ARVCF: variants seen among roughly 807,000 people sequenced by gnomAD.
ARVCF encodes the protein splicing regulator ARVCF.
In ARVCF, 66 loss-of-function variants were observed where a neutral mutation model predicts 90.9. That is an observed-to-expected ratio of 0.73 (90% CI 0.60 to 0.89). The LOEUF (loss-of-function observed/expected upper bound fraction) is 0.89. Ranked by LOEUF, ARVCF falls within the 40% of genes least tolerant of loss-of-function variation. The pLI is 0.00. For missense variants in ARVCF, 1,469 were observed against 1,382.3 expected, an observed-to-expected ratio of 1.06 and a Z score of -1.00; for synonymous variants, 653 against 603.4, an observed-to-expected ratio of 1.08 and a Z score of -1.21.
intron 1 of ARVCF, among the ~76,000 whole-genome samples, chr22:20,013,662 G>A (rs1168699984): frequency 6.6e-6 from 1 of 152,236 alleles, no homozygotes; most frequent in East Asian, 1.9e-4. Flanking sequence ...AGCAGGGGCA[G>A]TGGGAAGGGC....
downstream of ARVCF, chr22:19,968,727 A>G: frequency 6.3e-7 from 1 of 1,593,122 alleles, no homozygotes. Context: ...GCAGCGAAGC[A>G]GGGCCCTGAC....
intron 8 of ARVCF, 136 bp from the exon 9 acceptor site, chr22:19,977,722 A>G: frequency 7.8e-7 from 1 of 1,274,134 alleles, no homozygotes; most frequent in Admixed American, 3.0e-5. Context: ...GGGGAGCAAA[A>G]GGGCGGTAAC....
chr22:19,968,634 C>CT, downstream of ARVCF: 1 of 1,614,074 alleles, frequency 6.2e-7, no homozygotes, highest in Non-Finnish European at 8.5e-7. Context: ...GGAGCAGCTG[C>CT]TTTGAGTGCA....
At chr22:19,975,905 T>G (rs565278040) in intron 10 of ARVCF, 148 bp from the exon 11 acceptor site, 2 of 770,502 alleles carry the variant, frequency 2.6e-6, no homozygotes, top group Non-Finnish European at 4.3e-6. Flanking sequence ...AGCACCGTTG[T>G]CAGAGTTTGG....
At chr22:19,971,806 G>A in intron 18 of ARVCF, 80 bp downstream of exon 18, 1 of 1,489,178 alleles carries the variant, frequency 6.7e-7, no homozygotes. Context: ...ACCAGACCCA[G>A]CATGGCCTAG....
At chr22:19,978,800 G>A in intron 7 of ARVCF, 97 bp downstream of exon 7, 1 of 1,417,980 alleles carries the variant, frequency 7.1e-7, no homozygotes, top group South Asian at 1.4e-5. Context: ...CCTAAGCTCT[G>A]GCGCTCCTAA....
At chr22:19,997,861 C>A (rs76176552) in intron 2 of ARVCF, among the ~76,000 whole-genome samples, 1 of 152,350 alleles carries the variant, frequency 6.6e-6, no homozygotes, top group African/African-American at 2.4e-5. Context: ...ATTGCCTCCA[C>A]GGCTTACCGG....
chr22:19,976,696 A>AG lies in ARVCF; in HGVS notation c.1888+9dup. Reference sequence around the variant, plus strand: ...GCCAGGCCTGGAGAGCAGGATAAAAAGGGACTCACCTTGGTGGAACCACTC... The same window carrying AG: ...GCCAGGCCTGGAGAGCAGGATAAAAAGGGGACTCACCTTGGTGGAACCACTC... On this transcript the variant is annotated intron_variant, in intron 10 of 19. Coordinates refer to ENST00000263207, the MANE Select transcript of ARVCF (RefSeq NM_001670.3). 6.4e-7 allele frequency: 1 copy of AG among 1,558,682 alleles called. No individual in the cohort carries two copies. Among genetic ancestry groups the AG allele is most frequent in the Non-Finnish European group, 8.7e-7 (1 of 1,150,958 alleles).
At position 19,980,233 on chromosome 22, in the gene ARVCF, C is replaced by A. The variant is rs370262836; in HGVS notation, c.906G>T (p.Glu302Asp). 1.3e-6 allele frequency: 2 copies of A among 1,528,430 alleles called. No homozygotes were observed. Among genetic ancestry groups the A allele is most frequent in the African/African-American group, 2.7e-5 (2 of 73,048 alleles). The allele number at this position is 1,528,430 out of a possible 1,614,324, so 94.7% of individuals were successfully genotyped here. ...GCTCGCCGCCATCATCTGCTGTGTC[C>A]TCGTAGGCCCTGCACAGGCAAGTGG... ...CGRGLHTRAY[E>D]DTADDGGELA... is the part of the protein sequence containing the mutation. Residue 302 changes from glutamate (E) to aspartate (D), a missense_variant, in exon 6 of 20, where the codon GAG becomes GAT. Physicochemically the swap from Glu to Asp is conservative, Grantham distance 45 (BLOSUM62 2). Coordinates refer to ENST00000263207, the MANE Select transcript of ARVCF (RefSeq NM_001670.3).
intron 2 of ARVCF, among the ~76,000 whole-genome samples, chr22:19,995,115 G>C (rs896589309): frequency 6.6e-6 from 1 of 152,026 alleles, no homozygotes; most frequent in Admixed American, 6.6e-5. Flanking sequence ...TGGGAGAAGA[G>C]GAGGCCAGAT....
rs1256699356 is a variant in ARVCF at position 19,981,143 on chromosome 22, T to C, written c.896+68A>G. 3.4e-6 allele frequency: 5 copies of C among 1,452,042 alleles called. No homozygotes were observed. In the South Asian group the frequency reaches 4.4e-5, roughly 13 times the overall value. The allele number at this position is 1,452,042 out of a possible 1,614,324, so 89.9% of individuals were successfully genotyped here. On this transcript the variant is annotated intron_variant, in intron 5 of 19. Coordinates refer to ENST00000263207, the MANE Select transcript of ARVCF (RefSeq NM_001670.3). ...CTGCGCCACTTGACAAGTGGGGCAC[T>C]CTGTAGTTGGGGGGTGGAGGGCAGA...
chr22:19,975,106 T>A (rs1943076258), intron 11 of ARVCF, among the ~76,000 whole-genome samples: 1 of 152,188 alleles, frequency 6.6e-6, no homozygotes, highest in African/African-American at 2.4e-5. Context: ...GGTATCTGCA[T>A]CAGCCCTGCT....
rs1331300125 is a variant in ARVCF at position 19,973,257 on chromosome 22, G to A, written c.2300C>T (p.Pro767Leu). The change falls in exon 14 of 20, where the codon CCG becomes CTG. Residue 767 changes from proline to leucine, a missense_variant. Transcript: ENST00000263207. ...GGTGTCTTCCTCCAGGCAGGCCCCC[G>A]GTCGCGGCGGAGCCTGTGCATTGCG... Reference protein sequence around the residue: ...NVRNAQAPPRPGACLEEDTVV... With the variant: ...NVRNAQAPPRLGACLEEDTVV... 8 of 1,609,190 alleles carry A rather than the reference G, an allele frequency of 5.0e-6. No individual in the cohort carries two copies. Among genetic ancestry groups the A allele is most frequent in the Non-Finnish European group, 6.8e-6 (8 of 1,178,850 alleles).
At chr22:19,992,749 A>G (rs1944076079) in intron 2 of ARVCF, among the ~76,000 whole-genome samples, 2 of 147,400 alleles carry the variant, frequency 1.4e-5, no homozygotes, top group Admixed American at 1.3e-4. Flanking sequence ...CTCCCTGTGC[A>G]GAGACATGGA....
At chr22:19,967,171 G>A (rs1250275248), downstream of ARVCF, 2 of 1,304,462 alleles carry the variant, frequency 1.5e-6, no homozygotes, top group Non-Finnish European at 2.0e-6. Flanking sequence ...CAGGTGCAGT[G>A]GTCTGGTGTC....
intron 16 of ARVCF, 40 bp downstream of exon 16, chr22:19,972,697 G>C (rs200572444): frequency 1.3e-6 from 2 of 1,554,158 alleles, no homozygotes; most frequent in African/African-American, 1.4e-5. Context: ...GGGGCAGCTG[G>C]GGTCGCCACC....
intron 2 of ARVCF, among the ~76,000 whole-genome samples, chr22:20,004,726 C>T (rs533310685): frequency 3.0e-4 from 46 of 152,058 alleles, no homozygotes; most frequent in Non-Finnish European, 4.7e-4. Context: ...GAATACAGAG[C>T]CCAGAAACAA....
At chr22:20,001,489 G>A (rs975638961) in intron 2 of ARVCF, among the ~76,000 whole-genome samples, 2 of 152,184 alleles carry the variant, frequency 1.3e-5, no homozygotes, top group African/African-American at 4.8e-5. Context: ...GTTCAACTCC[G>A]CTGGCCACAG....
intron 2 of ARVCF, among the ~76,000 whole-genome samples, chr22:20,004,561 T>C (rs1258386680): frequency 6.6e-6 from 1 of 151,778 alleles, no homozygotes; most frequent in Non-Finnish European, 1.5e-5. Flanking sequence ...ATAAGATTTA[T>C]ATCGATCTTT....
Sources: allele counts gnomAD v4.1 joint callset (sites outside exome capture counted in the v4.1 genomes callset), GRCh38; gene constraint gnomAD v4.1.1; transcripts MANE v1.5; gene names NCBI Gene and HGNC (gene_info 2026-07-23, HGNC 2026-07-21).